SLC44A5: variants seen among roughly 807,000 people sequenced by gnomAD.
The protein encoded by SLC44A5 is choline transporter-like protein 5.
In SLC44A5, 57 loss-of-function variants were observed where a neutral mutation model predicts 101.8. That is an observed-to-expected ratio of 0.56 (90% confidence interval 0.45 to 0.70). The LOEUF is 0.70. Ranked by LOEUF, SLC44A5 falls within the 30% of genes least tolerant of loss-of-function variation. SLC44A5 has a pLI of 0.00. For missense variants in SLC44A5, 737 were observed against 853.1 expected (o/e 0.86, Z 1.70); for synonymous variants, 281 against 290.9 (o/e 0.97, Z 0.35).
At chr1:75,556,985 C>T (rs187817574) in intron 1 of SLC44A5, among the ~76,000 whole-genome samples, 32 of 152,158 alleles carry the variant, frequency 2.1e-4, no homozygotes, top group Middle Eastern at 3.4e-3. Flanking sequence ...GGCTGAATCC[C>T]CTAGCTTCCT....
At position 75,329,548 on chromosome 1, in the gene SLC44A5, T is replaced by C. The variant is rs867799627; in HGVS notation, c.101+10034A>G. Among the ~76,000 whole-genome samples the C allele has an allele frequency of 2.0e-5, 3 of 152,166 alleles. No homozygotes were observed. The South Asian group carries it at 6.2e-4, about 32-fold the overall frequency. Reference sequence around the variant, plus strand: ...TCATTCATTTTTAAATGTATTAACATTAGTGGTTGAAATTTTAAGTTTATT... The same window carrying C: ...TCATTCATTTTTAAATGTATTAACACTAGTGGTTGAAATTTTAAGTTTATT... On this transcript the variant is annotated intron_variant, in intron 4 of 23. Coordinates refer to ENST00000370859, the MANE Select transcript of SLC44A5 (RefSeq NM_001130058.2).
At position 75,211,538 on chromosome 1, in the gene SLC44A5, C is replaced by A; in HGVS notation, c.1977G>T (p.Gly659=). The change falls in exon 23 of 24, where the codon GGG becomes GGT. Residue 659 remains glycine (G), a synonymous_variant. Transcript: ENST00000370859. ...YWVPLLTVIF[G]SYLIAHGFFS... is the part of the protein sequence containing the mutation. ...AGAACCCATGTGCAATCAGGTAAGACCCAAAAATGACTGTCTGTAAATGGA... is the reference window on the plus strand; with the variant it reads ...AGAACCCATGTGCAATCAGGTAAGAACCAAAAATGACTGTCTGTAAATGGA... 1 of 1,612,000 alleles carries A rather than the reference C, an allele frequency of 6.2e-7. No individual in the cohort carries two copies. Among genetic ancestry groups the A allele is most frequent in the Non-Finnish European group, 8.5e-7 (1 of 1,178,602 alleles).
intron 3 of SLC44A5, among the ~76,000 whole-genome samples, chr1:75,386,039 G>C (rs897328648): frequency 2.0e-5 from 3 of 152,102 alleles, no homozygotes; most frequent in Non-Finnish European, 4.4e-5. Context: ...CAATAAATTA[G>C]GCATTGATGG....
chr1:75,487,219 A>C (rs1668199007), intron 2 of SLC44A5, among the ~76,000 whole-genome samples: 1 of 152,294 alleles, frequency 6.6e-6, no homozygotes. Flanking sequence ...CATAATTATA[A>C]GTTGCAACAA....
chr1:75,482,139 A>G (rs910723323), intron 2 of SLC44A5, among the ~76,000 whole-genome samples: 2 of 152,096 alleles, frequency 1.3e-5, no homozygotes, highest in African/African-American at 4.8e-5. Context: ...ATGAAATTGG[A>G]AATCATCATT....
At chr1:75,218,375 T>C (rs1340570194) in intron 17 of SLC44A5, 115 bp downstream of exon 17, 21 of 1,389,322 alleles carry the variant, frequency 1.5e-5, no homozygotes, top group Non-Finnish European at 2.1e-5. Flanking sequence ...TGAATTTTGA[T>C]TCATACCTTT....
intron 3 of SLC44A5, among the ~76,000 whole-genome samples, chr1:75,363,509 G>C (rs1254975812): frequency 6.6e-6 from 1 of 151,652 alleles, no homozygotes; most frequent in Non-Finnish European, 1.5e-5. Context: ...TTATATTTAG[G>C]CTGTTTTAAT....
At chr1:75,706,300 G>A in the SLC44A5 span, among the ~76,000 whole-genome samples, 2 of 151,970 alleles carry the variant, frequency 1.3e-5, no homozygotes, top group East Asian at 1.9e-4. Flanking sequence ...CTTGTTATTA[G>A]AGAACACAGT....
intron 3 of SLC44A5, among the ~76,000 whole-genome samples, chr1:75,340,156 T>C (rs1341648958): frequency 6.6e-6 from 1 of 152,176 alleles, no homozygotes; most frequent in Non-Finnish European, 1.5e-5. Context: ...TAAAAACATT[T>C]TTATTGCAGT....
At chr1:75,614,944 G>C (rs963107511), upstream of SLC44A5, among the ~76,000 whole-genome samples, 1 of 152,088 alleles carries the variant, frequency 6.6e-6, no homozygotes, top group East Asian at 1.9e-4. Flanking sequence ...CGACCTCTGC[G>C]AGTCCGCGCT....
intron 2 of SLC44A5, among the ~76,000 whole-genome samples, chr1:75,475,369 C>G (rs1667326283): frequency 6.6e-6 from 1 of 152,204 alleles, no homozygotes; most frequent in Admixed American, 6.5e-5. Flanking sequence ...GATATTACCT[C>G]TTGTTTTGCT....
intron 5 of SLC44A5, among the ~76,000 whole-genome samples, chr1:75,277,749 A>T (rs1463599484): frequency 6.6e-6 from 1 of 151,930 alleles, no homozygotes; most frequent in Non-Finnish European, 1.5e-5. Context: ...AGAGATGAAG[A>T]TGGAAGTGTC....
At chr1:75,247,863 G>A (rs1030832953) in intron 7 of SLC44A5, among the ~76,000 whole-genome samples, 2 of 151,828 alleles carry the variant, frequency 1.3e-5, no homozygotes, top group African/African-American at 2.4e-5. Context: ...TTGGATGAGA[G>A]TGAGAGGAAA....
At chr1:75,281,636 GCCCC>G (rs71081324) in intron 5 of SLC44A5, among the ~76,000 whole-genome samples, 3,153 of 49,392 alleles carry the variant, frequency 0.064, 408 homozygotes, top group African/African-American at 0.13. Flanking sequence ...CTGGTGCCAG[GCCCC>G]CCCCCCCCCC....
At chr1:75,319,954 T>C (rs1355572958) in intron 4 of SLC44A5, among the ~76,000 whole-genome samples, 1 of 152,172 alleles carries the variant, frequency 6.6e-6, no homozygotes, top group African/African-American at 2.4e-5. Flanking sequence ...TGTACGTGAA[T>C]TGGAAAATCT....
intron 2 of SLC44A5, among the ~76,000 whole-genome samples, chr1:75,440,142 T>C (rs1665115131): frequency 6.6e-6 from 1 of 152,140 alleles, no homozygotes; most frequent in Non-Finnish European, 1.5e-5. Context: ...ACTTACATTG[T>C]AGTGGTGGGA....
intron 2 of SLC44A5, among the ~76,000 whole-genome samples, chr1:75,398,758 C>A (rs1662288671): frequency 6.6e-6 from 1 of 152,054 alleles, no homozygotes; most frequent in Non-Finnish European, 1.5e-5. Flanking sequence ...GATGGTTGAG[C>A]CTGCTTTCTG....
intron 2 of SLC44A5, among the ~76,000 whole-genome samples, chr1:75,407,355 A>C (rs1259272138): frequency 1.3e-5 from 2 of 152,200 alleles, no homozygotes; most frequent in African/African-American, 4.8e-5. Flanking sequence ...ATTAGAAAAA[A>C]ACTAACTCAA....
At chr1:75,293,851 T>G (rs1239866301) in intron 5 of SLC44A5, among the ~76,000 whole-genome samples, 2 of 152,150 alleles carry the variant, frequency 1.3e-5, no homozygotes, top group Non-Finnish European at 2.9e-5. Context: ...CACTCAATAC[T>G]AAAATATCTG....
Sources: allele counts gnomAD v4.1 joint callset (sites outside exome capture counted in the v4.1 genomes callset), GRCh38; gene constraint gnomAD v4.1.1; transcripts MANE v1.5; gene names NCBI Gene and HGNC (gene_info 2026-07-23, HGNC 2026-07-21).